Variants in GALNTL6 observed in about 807,000 individuals in gnomAD.
GALNTL6 encodes the protein polypeptide N-acetylgalactosaminyltransferase-like 6.
A neutral mutation model predicts 73.7 loss-of-function variants in GALNTL6; 46 were observed. That is an observed-to-expected ratio of 0.62 (90% CI 0.49 to 0.80). The LOEUF is 0.80. GALNTL6 is among the 30% of genes least tolerant of loss of function. The probability of loss-of-function intolerance (pLI) is 0.00; values close to 1 mark genes in which losing one functional copy is unlikely to be tolerated. For synonymous variants in GALNTL6, 259 were observed against 263.7 expected, an observed-to-expected ratio of 0.98 and a Z score of 0.17; for missense variants, 604 against 755.0, an observed-to-expected ratio of 0.80 and a Z score of 2.34.
chr4:172,788,290 G>A lies in GALNTL6; in HGVS notation c.554-21071G>A, dbSNP rs141112025. On this transcript the variant is annotated intron_variant, in intron 5 of 12. Coordinates refer to ENST00000506823, the MANE Select transcript of GALNTL6 (RefSeq NM_001034845.3). Reference sequence around the variant, plus strand: ...TGAAGCAGGAGGACCATTTGAGCCCGGGAGTTTAAGGCTGCATGTTGCAGT... The same window carrying A: ...TGAAGCAGGAGGACCATTTGAGCCCAGGAGTTTAAGGCTGCATGTTGCAGT... Among the ~76,000 whole-genome samples, 19 of 152,290 alleles carry A rather than the reference G, an allele frequency of 1.2e-4. No individual in the cohort carries two copies. In the East Asian group the frequency reaches 2.7e-3, roughly 22 times the overall value.
chr4:172,441,593 T>G (rs766455042), intron 5 of GALNTL6, among the ~76,000 whole-genome samples: 4 of 152,104 alleles, frequency 2.6e-5, no homozygotes, highest in Non-Finnish European at 5.9e-5. Flanking sequence ...CTGTTTAAAA[T>G]GGCCTCCAAG....
chr4:172,098,176 CTATA>C (rs1732410385), intron 2 of GALNTL6, among the ~76,000 whole-genome samples: 3 of 152,070 alleles, frequency 2.0e-5, no homozygotes, highest in Non-Finnish European at 2.9e-5. Flanking sequence ...ATGTCTCTCT[CTATA>C]TATAAGACAT....
At chr4:172,166,263 G>A (rs890707661) in intron 2 of GALNTL6, among the ~76,000 whole-genome samples, 3 of 152,054 alleles carry the variant, frequency 2.0e-5, no homozygotes, top group Non-Finnish European at 4.4e-5. Context: ...TTGAGACATG[G>A]TGAAACCCCG....
rs1553989802 is a variant in GALNTL6 at position 172,069,584 on chromosome 4, T to TATATATATAACACATGTGTTATATATATA, written c.139-160057_139-160056insGTGTTATATATATAATATATATAACACAT. On this transcript the variant is annotated intron_variant, in intron 2 of 12. Transcript: ENST00000506823. ...TATATAACACATATATGTTATATAT[T>TATATATATAACACATGTGTTATATATATA]ATATATATAACACATATATGTTATA... Among the ~76,000 whole-genome samples, 4 of 13,774 alleles carry TATATATATAACACATGTGTTATATATATA rather than the reference T, an allele frequency of 2.9e-4. 2 individuals are homozygous for TATATATATAACACATGTGTTATATATATA. The highest frequency in any genetic ancestry group is 3.9e-4 in the African/African-American group (4 of 10,168). The allele number at this position is 13,774 out of a possible 152,430, so 9.0% of individuals were successfully genotyped here. A position where few individuals can be genotyped will look rare whatever the true frequency, so the allele number is the denominator to read the frequency against.
rs141861768 is a variant in GALNTL6, at chr4:172,866,193, C to G, written c.924-16597C>G. ...GAATCCCAAATGTCTCCCTACATAG[C>G]CTCTCTAAAATAGAAATCTGATTAT... is the stretch of plus-strand genomic sequence containing the variant. On this transcript the variant is annotated intron_variant, in intron 7 of 12. Coordinates refer to ENST00000506823, the MANE Select transcript of GALNTL6 (RefSeq NM_001034845.3). Among the ~76,000 whole-genome samples the G allele has an allele frequency of 2.8e-3, 431 of 152,244 alleles. 2 individuals are homozygous for G. Among genetic ancestry groups the G allele is most frequent in the Middle Eastern group, 0.01 (3 of 294 alleles).
At chr4:172,996,022 G>A (rs1384144882) in intron 10 of GALNTL6, among the ~76,000 whole-genome samples, 1 of 152,118 alleles carries the variant, frequency 6.6e-6, no homozygotes, top group Admixed American at 6.6e-5. Flanking sequence ...TTTAACTGTG[G>A]TAGAATGATT....
chr4:172,248,233 C>T (rs575987256), intron 3 of GALNTL6, among the ~76,000 whole-genome samples: 48 of 152,280 alleles, frequency 3.2e-4, no homozygotes, highest in African/African-American at 1.1e-3. Context: ...TACCGAAAAG[C>T]AGAAAATACT....
intron 10 of GALNTL6, among the ~76,000 whole-genome samples, chr4:173,005,139 A>T (rs1321453295): frequency 1.3e-5 from 2 of 152,020 alleles, no homozygotes; most frequent in Non-Finnish European, 2.9e-5. Context: ...TCCCTTGCAG[A>T]CCTAAAGAAC....
chr4:172,967,393 C>A (rs916690818), intron 10 of GALNTL6, among the ~76,000 whole-genome samples: 1 of 152,102 alleles, frequency 6.6e-6, no homozygotes, highest in African/African-American at 2.4e-5. Flanking sequence ...ATTTTCTATA[C>A]CAATCTCTAG....
At chr4:172,237,052 T>G (rs1473897776) in intron 3 of GALNTL6, among the ~76,000 whole-genome samples, 2 of 152,226 alleles carry the variant, frequency 1.3e-5, no homozygotes, top group African/African-American at 4.8e-5. Flanking sequence ...GATTTCATTC[T>G]TTTTTATGGC....
At chr4:172,931,356 A>C (rs1235101238) in intron 9 of GALNTL6, 88 bp downstream of exon 9, 5 of 797,552 alleles carry the variant, frequency 6.3e-6, no homozygotes, top group Non-Finnish European at 1.1e-5. Context: ...CAGTCTGAGA[A>C]AAGCTCTCCA....
chr4:172,680,785 C>G (rs1185994884), intron 5 of GALNTL6, among the ~76,000 whole-genome samples: 1 of 152,182 alleles, frequency 6.6e-6, no homozygotes, highest in Non-Finnish European at 1.5e-5. Context: ...CAAAGACTGT[C>G]AAAACAGATA....
intron 2 of GALNTL6, among the ~76,000 whole-genome samples, chr4:171,936,194 C>T (rs578047279): frequency 6.6e-6 from 1 of 151,934 alleles, no homozygotes; most frequent in African/African-American, 2.4e-5. Context: ...CTTTTTGGTT[C>T]AAAAACTATC....
intron 5 of GALNTL6, among the ~76,000 whole-genome samples, chr4:172,780,936 T>C (rs1739341529): frequency 6.6e-6 from 1 of 152,220 alleles, no homozygotes; most frequent in African/African-American, 2.4e-5. Context: ...TGCAGCACAA[T>C]TGTATTCCCC....
intron 5 of GALNTL6, among the ~76,000 whole-genome samples, chr4:172,459,269 C>G (rs182198168): frequency 5.8e-4 from 89 of 152,286 alleles, no homozygotes; most frequent in African/African-American, 1.8e-3. Flanking sequence ...ACTGAACGGG[C>G]AAAAGCTGGA....
chr4:172,930,623 T>G (rs1053617989), intron 8 of GALNTL6, among the ~76,000 whole-genome samples: 4 of 152,214 alleles, frequency 2.6e-5, no homozygotes, highest in Non-Finnish European at 5.9e-5. Flanking sequence ...TTTACTAGAA[T>G]TTTTCTTAAG....
intron 2 of GALNTL6, among the ~76,000 whole-genome samples, chr4:172,051,042 G>A (rs1361156648): frequency 6.6e-6 from 1 of 152,150 alleles, no homozygotes; most frequent in East Asian, 1.9e-4. Flanking sequence ...AAGGGTAGGA[G>A]TATTTATGAT....
At chr4:172,517,456 G>A (rs966634888) in intron 5 of GALNTL6, among the ~76,000 whole-genome samples, 17 of 152,062 alleles carry the variant, frequency 1.1e-4, no homozygotes, top group South Asian at 2.1e-4. Context: ...GGTGGAGGTC[G>A]TATACTGATC....
At chr4:172,875,339 A>G (rs1374810726) in intron 7 of GALNTL6, among the ~76,000 whole-genome samples, 1 of 152,190 alleles carries the variant, frequency 6.6e-6, no homozygotes, top group African/African-American at 2.4e-5. Context: ...AAATGAATGA[A>G]TCCAATAAGA....
Sources: allele counts gnomAD v4.1 joint callset (sites outside exome capture counted in the v4.1 genomes callset), GRCh38; gene constraint gnomAD v4.1.1; transcripts MANE v1.5; gene names NCBI Gene and HGNC (gene_info 2026-07-23, HGNC 2026-07-21).